Variants in SLCO4C1 observed in about 807,000 individuals in gnomAD.
SLCO4C1 encodes the protein organic anion transporter M1.
In SLCO4C1, 58 loss-of-function variants were observed where a neutral mutation model predicts 72.1. That is an observed-to-expected ratio of 0.80 (90% CI 0.65 to 1.00). The LOEUF is 1.00. Ranked by LOEUF, SLCO4C1 falls within the 50% of genes least tolerant of loss-of-function variation. SLCO4C1 has a pLI of 0.00. For synonymous variants in SLCO4C1, 297 were observed against 312.5 expected, an observed-to-expected ratio of 0.95 and a Z score of 0.52; for missense variants, 898 against 857.9, an observed-to-expected ratio of 1.05 and a Z score of -0.58.
At chr5:102,286,230 A>G (rs983101856) in intron 2 of SLCO4C1, among the ~76,000 whole-genome samples, 3 of 152,164 alleles carry the variant, frequency 2.0e-5, no homozygotes, top group African/African-American at 4.8e-5. Flanking sequence ...GAAAAGAGAA[A>G]CAAAGATATA....
chr5:102,268,688 T>G (rs926827725), intron 3 of SLCO4C1, among the ~76,000 whole-genome samples: 2 of 152,168 alleles, frequency 1.3e-5, no homozygotes, highest in Non-Finnish European at 2.9e-5. Context: ...AGTTTGGCAG[T>G]TTCCTGTAGT....
At chr5:102,244,051 G>T (rs1396778287) in intron 10 of SLCO4C1, among the ~76,000 whole-genome samples, 1 of 152,070 alleles carries the variant, frequency 6.6e-6, no homozygotes. Context: ...GCTGGGCATG[G>T]TGGTGCACGT....
intron 2 of SLCO4C1, among the ~76,000 whole-genome samples, chr5:102,285,005 A>C (rs1189387992): frequency 6.6e-6 from 1 of 152,178 alleles, no homozygotes; most frequent in Non-Finnish European, 1.5e-5. Flanking sequence ...AAGGAAAAGA[A>C]ACCTTTCTCT....
chr5:102,245,469 G>C (rs188889188), intron 10 of SLCO4C1, among the ~76,000 whole-genome samples: 4 of 152,112 alleles, frequency 2.6e-5, no homozygotes, highest in African/African-American at 9.6e-5. Context: ...AATGATCAAG[G>C]GGTGAATTCA....
At chr5:102,266,774 C>T (rs547284530) in intron 3 of SLCO4C1, among the ~76,000 whole-genome samples, 8 of 152,054 alleles carry the variant, frequency 5.3e-5, no homozygotes, top group South Asian at 4.1e-4. Flanking sequence ...TTTCCATATA[C>T]GGCCTTTACT....
rs572943490 is a variant in SLCO4C1 at position 102,244,377 on chromosome 5, A to T, written c.1811+2875T>A. On this transcript the variant is annotated intron_variant, in intron 10 of 12. Transcript: ENST00000310954. ...AAAAAAGAATAAAAAACAATGAAGCATGCCTACAGCATCTAGAAAATAGCC... is the reference window on the plus strand; with the variant it reads ...AAAAAAGAATAAAAAACAATGAAGCTTGCCTACAGCATCTAGAAAATAGCC... 7.2e-5 allele frequency among the ~76,000 whole-genome samples: 11 copies of T among 152,314 alleles called. No individual in the cohort carries two copies. In the South Asian group the frequency reaches 2.3e-3, roughly 32 times the overall value.
intron 3 of SLCO4C1, among the ~76,000 whole-genome samples, chr5:102,264,879 A>G (rs377028253): frequency 6.6e-6 from 1 of 152,012 alleles, no homozygotes; most frequent in Admixed American, 6.6e-5. Flanking sequence ...AGAACATGCA[A>G]TATTTATCTT....
At chr5:102,295,697 G>A (rs1200382151) in intron 1 of SLCO4C1, among the ~76,000 whole-genome samples, 2 of 152,256 alleles carry the variant, frequency 1.3e-5, no homozygotes, top group Non-Finnish European at 2.9e-5. Context: ...TTGAACTGTA[G>A]TGATAAAGGA....
chr5:102,294,268 A>C (rs901065381), intron 1 of SLCO4C1, among the ~76,000 whole-genome samples: 5 of 152,044 alleles, frequency 3.3e-5, no homozygotes, highest in Admixed American at 6.5e-5. Context: ...CTGGTATCCA[A>C]GTTCTGACCT....
chr5:102,286,182 T>C (rs982314704), intron 2 of SLCO4C1, among the ~76,000 whole-genome samples: 2 of 152,050 alleles, frequency 1.3e-5, no homozygotes, highest in Admixed American at 6.5e-5. Flanking sequence ...CTAATGTGAA[T>C]TTTTATCATT....
Position 102,257,951 on chromosome 5 carries a change from G to A in SLCO4C1, c.1265C>T (p.Thr422Ile). The A allele has an allele frequency of 6.2e-7, 1 of 1,602,414 alleles. No individual in the cohort carries two copies. The change falls in exon 7 of 13, where the codon ACT becomes ATT. Residue 422 changes from threonine to isoleucine, a missense_variant. Transcript: ENST00000310954. ...QFGLTSSFAA[T>I]LGGAVLIPGA... is the part of the protein sequence containing the mutation. Reference sequence around the variant, plus strand: ...TAAAGAAAATGTTTTACCTCCAAGAGTAGCTGCGAAGCTGGATGTCAATCC... The same window carrying A: ...TAAAGAAAATGTTTTACCTCCAAGAATAGCTGCGAAGCTGGATGTCAATCC...
chr5:102,278,005 C>A (rs759061163), intron 2 of SLCO4C1, among the ~76,000 whole-genome samples: 1 of 151,878 alleles, frequency 6.6e-6, no homozygotes, highest in South Asian at 2.1e-4. Flanking sequence ...CAGGTTTAAA[C>A]TTTAACATAC....
intron 5 of SLCO4C1, 95 bp downstream of exon 5, chr5:102,261,817 C>A: frequency 2.4e-6 from 3 of 1,250,044 alleles, no homozygotes; most frequent in Non-Finnish European, 1.1e-6. Flanking sequence ...ATAAAAGAAA[C>A]AGGGTGAATC....
chr5:102,276,125 A>T (rs1353048077), intron 2 of SLCO4C1, among the ~76,000 whole-genome samples: 2 of 152,186 alleles, frequency 1.3e-5, no homozygotes, highest in African/African-American at 4.8e-5. Context: ...AAAGTGCCAG[A>T]TTGACACAGT....
intron 3 of SLCO4C1, among the ~76,000 whole-genome samples, chr5:102,269,490 G>T (rs1055193049): frequency 2.6e-5 from 4 of 151,796 alleles, no homozygotes; most frequent in Non-Finnish European, 5.9e-5. Context: ...AACTACACTT[G>T]TAATTTCATT....
At chr5:102,278,531 A>C (rs1173967370) in intron 2 of SLCO4C1, among the ~76,000 whole-genome samples, 1 of 152,220 alleles carries the variant, frequency 6.6e-6, no homozygotes, top group Non-Finnish European at 1.5e-5. Flanking sequence ...ATAGCAAAAT[A>C]CATTTTCTTT....
chr5:102,256,087 TC>T (rs1324413044), intron 8 of SLCO4C1, among the ~76,000 whole-genome samples: 1 of 152,062 alleles, frequency 6.6e-6, no homozygotes, highest in African/African-American at 2.4e-5. Context: ...GCGCCTGTAG[TC>T]CCAGCTACTC....
intron 2 of SLCO4C1, among the ~76,000 whole-genome samples, chr5:102,279,365 T>A (rs1273835694): frequency 6.6e-6 from 1 of 152,008 alleles, no homozygotes; most frequent in Non-Finnish European, 1.5e-5. Context: ...ACAATTACTC[T>A]TGCACCAACC....
At chr5:102,286,495 T>TGCAA (rs1749454756) in intron 2 of SLCO4C1, among the ~76,000 whole-genome samples, 1 of 152,160 alleles carries the variant, frequency 6.6e-6, no homozygotes, top group Non-Finnish European at 1.5e-5. Flanking sequence ...AAAGTCATAC[T>TGCAA]ACAATATGTT....
Sources: allele counts gnomAD v4.1 joint callset (sites outside exome capture counted in the v4.1 genomes callset), GRCh38; gene constraint gnomAD v4.1.1; transcripts MANE v1.5; gene names NCBI Gene and HGNC (gene_info 2026-07-23, HGNC 2026-07-21).